Variants in PDE7B observed in about 807,000 individuals in gnomAD.
The protein encoded by PDE7B is phosphodiesterase 7B.
Under a neutral mutation model 56.2 loss-of-function variants are expected in PDE7B, and 29 were observed. That is an observed-to-expected ratio of 0.52 (90% CI 0.38 to 0.70). The LOEUF (loss-of-function observed/expected upper bound fraction) is 0.70. Ranked by LOEUF, PDE7B falls within the 30% of genes least tolerant of loss-of-function variation. The pLI is 0.00. For synonymous variants in PDE7B, 197 were observed against 196.9 expected (o/e 1.00, Z 0.00); for missense variants, 490 against 565.0 (o/e 0.87, Z 1.35).
At chr6:136,164,957 A>G (rs1778769386) in intron 8 of PDE7B, among the ~76,000 whole-genome samples, 1 of 152,218 alleles carries the variant, frequency 6.6e-6, no homozygotes, top group Admixed American at 6.5e-5. Flanking sequence ...GTAAGTTTAT[A>G]TTAAACTACC....
intron 1 of PDE7B, among the ~76,000 whole-genome samples, chr6:135,896,521 A>T (rs1157266549): frequency 6.6e-6 from 1 of 152,032 alleles, no homozygotes; most frequent in Non-Finnish European, 1.5e-5. Context: ...GCTACCATTT[A>T]TTGGGTAGCC....
intron 8 of PDE7B, among the ~76,000 whole-genome samples, chr6:136,163,676 C>T (rs1778747246): frequency 6.6e-6 from 1 of 152,148 alleles, no homozygotes; most frequent in Admixed American, 6.5e-5. Flanking sequence ...CTTTTTTGCT[C>T]TGCTTCCCTT....
intron 2 of PDE7B, among the ~76,000 whole-genome samples, chr6:136,041,830 A>G: frequency 6.6e-6 from 1 of 152,236 alleles, no homozygotes; most frequent in East Asian, 1.9e-4. Flanking sequence ...TGAGGTAAAT[A>G]GTTCAGAGAG....
In PDE7B at chr6:135,883,804, G is replaced by A. The variant is rs185722421; in HGVS notation, c.21+31785G>A. On this transcript the variant is annotated intron_variant, in intron 1 of 12. Transcript: ENST00000308191. Reference sequence around the variant, plus strand: ...GTTTCAGGGCCTCCCTTACCATGCCGAAGCTCTTTCCTGCTGGGGTGCCTC... The same window carrying A: ...GTTTCAGGGCCTCCCTTACCATGCCAAAGCTCTTTCCTGCTGGGGTGCCTC... Among the ~76,000 whole-genome samples the A allele has an allele frequency of 5.1e-3, 774 of 152,290 alleles. 12 individuals carry two copies. The highest frequency in any genetic ancestry group is 0.02 in the South Asian group (96 of 4,828).
chr6:135,861,230 G>A lies in PDE7B; in HGVS notation c.21+9211G>A, dbSNP rs1258979190. ...GCACATGTACAGGTATATCTGTTGA[G>A]GTTATACCTAGGAATAAAGTTGCTG... On this transcript the variant is annotated intron_variant, in intron 1 of 12. Transcript: ENST00000308191. Among the ~76,000 whole-genome samples the A allele has an allele frequency of 2.0e-5, 3 of 151,752 alleles. No homozygotes were observed. In the East Asian group the frequency reaches 5.8e-4, roughly 29 times the overall value.
At chr6:135,990,500 C>A (rs78630303) in intron 2 of PDE7B, among the ~76,000 whole-genome samples, 5,822 of 152,220 alleles carry the variant, frequency 0.038, 337 homozygotes, top group African/African-American at 0.13. Flanking sequence ...GTTTTCGAGG[C>A]TCCTTTTCCC....
chr6:136,094,843 TAC>T (rs1297660696), intron 2 of PDE7B: 10 of 152,214 alleles, frequency 6.6e-5, no homozygotes, highest in Non-Finnish European at 1.5e-4. Flanking sequence ...CCAGTTGGTC[TAC>T]AGTCCAAAAA....
chr6:135,981,354 C>A (rs1472367106), intron 2 of PDE7B, among the ~76,000 whole-genome samples: 2 of 151,274 alleles, frequency 1.3e-5, no homozygotes, highest in Non-Finnish European at 2.9e-5. Context: ...TTAGAGGGTG[C>A]AGCGCACCAG....
At chr6:135,901,545 CTCT>C (rs1480478196) in intron 1 of PDE7B, among the ~76,000 whole-genome samples, 1 of 152,076 alleles carries the variant, frequency 6.6e-6, no homozygotes, top group Admixed American at 6.6e-5. Context: ...TTGGGGTACT[CTCT>C]TCTTCCTGTC....
chr6:136,144,811 G>A (rs1189381540), intron 3 of PDE7B, among the ~76,000 whole-genome samples: 1 of 152,058 alleles, frequency 6.6e-6, no homozygotes, highest in African/African-American at 2.4e-5. Flanking sequence ...AATCAGATGT[G>A]CATTTGGGGC....
chr6:136,189,238 C>G (rs1779185516), intron 12 of PDE7B, among the ~76,000 whole-genome samples: 1 of 152,200 alleles, frequency 6.6e-6, no homozygotes, highest in Admixed American at 6.5e-5. Context: ...CAACTCCACG[C>G]TTCCCTCTCT....
intron 2 of PDE7B, among the ~76,000 whole-genome samples, chr6:136,050,645 C>G (rs1187072713): frequency 2.0e-5 from 3 of 152,102 alleles, no homozygotes; most frequent in African/African-American, 4.8e-5. Context: ...GTACATGTGC[C>G]CATAAGCTAC....
At chr6:136,021,776 C>G (rs1021595018) in intron 2 of PDE7B, among the ~76,000 whole-genome samples, 1 of 152,050 alleles carries the variant, frequency 6.6e-6, no homozygotes, top group Non-Finnish European at 1.5e-5. Flanking sequence ...ATTCTTGTTC[C>G]TATGCAATTT....
chr6:135,932,497 A>G (rs1408201711), intron 1 of PDE7B, among the ~76,000 whole-genome samples: 1 of 152,214 alleles, frequency 6.6e-6, no homozygotes, highest in Non-Finnish European at 1.5e-5. Context: ...CTAGACCTTG[A>G]ATAATAGGAA....
intron 2 of PDE7B, among the ~76,000 whole-genome samples, chr6:136,027,496 A>G (rs1776171922): frequency 6.6e-6 from 1 of 152,216 alleles, no homozygotes; most frequent in Non-Finnish European, 1.5e-5. Flanking sequence ...TTTCCTAGCT[A>G]TGAACAAATT....
chr6:135,902,553 T>C (rs887644514), intron 1 of PDE7B, among the ~76,000 whole-genome samples: 5 of 152,196 alleles, frequency 3.3e-5, no homozygotes, highest in African/African-American at 1.2e-4. Flanking sequence ...CCTCTTGCTG[T>C]GGCCTCTGCT....
At chr6:136,000,293 CT>C (rs1352050664) in intron 2 of PDE7B, among the ~76,000 whole-genome samples, 3 of 152,102 alleles carry the variant, frequency 2.0e-5, no homozygotes, top group Admixed American at 6.5e-5. Flanking sequence ...GTTGCAATTG[CT>C]TTTGGTGTCT....
chr6:135,960,814 T>A (rs1774886385), intron 2 of PDE7B, among the ~76,000 whole-genome samples: 1 of 152,210 alleles, frequency 6.6e-6, no homozygotes, highest in African/African-American at 2.4e-5. Flanking sequence ...TTTATATAGA[T>A]GAAATTAAAG....
chr6:135,926,188 G>A (rs1227197819), intron 1 of PDE7B, among the ~76,000 whole-genome samples: 3 of 145,890 alleles, frequency 2.1e-5, no homozygotes, highest in Non-Finnish European at 3.0e-5. Flanking sequence ...CTGGGTTCAC[G>A]CCATTCTCCT....
Sources: allele counts gnomAD v4.1 joint callset (sites outside exome capture counted in the v4.1 genomes callset), GRCh38; gene constraint gnomAD v4.1.1; transcripts MANE v1.5; gene names NCBI Gene and HGNC (gene_info 2026-07-23, HGNC 2026-07-21).